Variants in WASHC2C observed in about 807,000 individuals in gnomAD.
WASHC2C encodes the protein Vaccinia Penetration Factor.
WASHC2C carries 73 observed loss-of-function variants against 142.2 expected under a neutral mutation model. The ratio of observed to expected loss-of-function variants is 0.51; its 90% CI spans 0.43 to 0.62. The LOEUF is 0.62. Ranked by LOEUF, WASHC2C falls within the 20% of genes least tolerant of loss-of-function variation. The pLI is 0.00. For missense variants in WASHC2C, 969 were observed against 1,531.7 expected (o/e 0.63, Z 6.13); for synonymous variants, 337 against 565.5 (o/e 0.60, Z 5.73).
intron 16 of WASHC2C, among the ~76,000 whole-genome samples, chr10:45,758,604 TTC>T (rs1564758047): frequency 1.4e-5 from 2 of 138,660 alleles, no homozygotes; most frequent in Non-Finnish European, 1.6e-5. Flanking sequence ...ATCATTCTTC[TTC>T]TTTTTTTTTT....
intron 25 of WASHC2C, among the ~76,000 whole-genome samples, chr10:45,785,284 TAGGTTTTTGTA>T: frequency 6.6e-6 from 1 of 152,226 alleles, no homozygotes; most frequent in Non-Finnish European, 1.5e-5. Context: ...CCAGCCCCAG[TAGGTTTTTGTA>T]AGTACTCTGT....
intron 5 of WASHC2C, among the ~76,000 whole-genome samples, chr10:45,740,484 G>A (rs1186400061): frequency 1.3e-5 from 2 of 152,188 alleles, no homozygotes; most frequent in Non-Finnish European, 2.9e-5. Context: ...CTCTACTCTC[G>A]AGGTGTGTGT....
intron 15 of WASHC2C, 87 bp from the exon 16 acceptor site, chr10:45,756,925 T>G: frequency 1.9e-6 from 2 of 1,028,406 alleles, no homozygotes; most frequent in South Asian, 1.6e-5. Flanking sequence ...ATGTTTATTC[T>G]TTGGGAGGGA....
At chr10:45,738,179 G>A in intron 4 of WASHC2C, 134 bp downstream of exon 4, 1 of 1,568,066 alleles carries the variant, frequency 6.4e-7, no homozygotes, top group Non-Finnish European at 8.7e-7. Context: ...AGCAGCCCAA[G>A]AGGGGATTCT....
intron 19 of WASHC2C, among the ~76,000 whole-genome samples, chr10:45,768,234 G>GAAA (rs1169870861): frequency 2.6e-5 from 2 of 76,484 alleles, no homozygotes; most frequent in Non-Finnish European, 2.6e-5. Context: ...CTCGAAAAAG[G>GAAA]AAAAAAAAAA....
chr10:45,750,977 G>T (rs2053515868), intron 10 of WASHC2C, 139 bp downstream of exon 10: 1 of 937,112 alleles, frequency 1.1e-6, no homozygotes, highest in Non-Finnish European at 1.6e-6. Context: ...AATTTAAATT[G>T]TAGCGCTTAT....
rs1589975962 is a variant in WASHC2C, at chr10:45,789,301, C to T, written c.3518C>T (p.Pro1173Leu). 1.9e-6 allele frequency: 3 copies of T among 1,612,078 alleles called. No individual in the cohort carries two copies. In the East Asian group the frequency reaches 6.7e-5, roughly 36 times the overall value. The part of the protein sequence containing the change: ...VGGKAKSPMF[P>L]ALGEASSDDD... ...GGTAAAGCAAAGAGCCCCATGTTTC[C>T]TGCTCTAGGCGAGGCCAGCAGTGAT... The change falls in exon 29 of 31, where the codon CCT becomes CTT. Residue 1173 changes from proline (P) to leucine (L), a missense_variant. Transcript: ENST00000623400.
chr10:45,790,004 TGG>T, intron 29 of WASHC2C, among the ~76,000 whole-genome samples: 1 of 152,236 alleles, frequency 6.6e-6, no homozygotes, highest in Non-Finnish European at 1.5e-5. Flanking sequence ...CAGAGCTCTC[TGG>T]GAAGATAATC....
intron 17 of WASHC2C, among the ~76,000 whole-genome samples, chr10:45,762,531 G>A (rs1414693919): frequency 6.6e-6 from 1 of 152,120 alleles, no homozygotes; most frequent in East Asian, 1.9e-4. Flanking sequence ...TCTTATCCTG[G>A]TTTGCAACGT....
Position 45,786,634 on chromosome 10 carries a change from T to C in WASHC2C, c.2834T>C (p.Phe945Ser). ...TPQDSSGLAP[F>S]KTKEPSTRIG... is the part of the protein sequence containing the mutation. ...CAGGACTCATCAGGTCTCGCTCCAT[T>C]TAAAACCAAAGAACCATCCACTCGG... Residue 945 changes from phenylalanine (F) to serine (S), a missense_variant, in exon 27 of 31, where the codon TTT becomes TCT. Coordinates refer to ENST00000623400, the MANE Select transcript of WASHC2C (RefSeq NM_001330074.2). 1.9e-6 allele frequency: 3 copies of C among 1,611,838 alleles called. No individual in the cohort carries two copies. The highest frequency in any genetic ancestry group is 2.5e-6 in the Non-Finnish European group (3 of 1,179,740).
rs201198625 is a variant in WASHC2C, at chr10:45,746,533, C to A, written c.685-67C>A. On this transcript the variant is annotated intron_variant, in intron 7 of 30. Transcript: ENST00000623400. ...AATCAGCCTGCCCCAGAGACTTAGA[C>A]CTGCAATCATTTCTGTGCTTCTAAG... 2.0e-3 allele frequency: 3,075 copies of A among 1,564,202 alleles called. 93 individuals are homozygous for A. The East Asian group carries it at 0.061, about 31-fold the overall frequency.
At chr10:45,769,066 A>G (rs1280183254) in intron 19 of WASHC2C, among the ~76,000 whole-genome samples, 1 of 152,146 alleles carries the variant, frequency 6.6e-6, no homozygotes, top group East Asian at 1.9e-4. Flanking sequence ...TAGTTTAACA[A>G]ATATAAGTTT....
At chr10:45,773,841 T>TAA (rs536251745) in intron 21 of WASHC2C, among the ~76,000 whole-genome samples, 2 of 72,692 alleles carry the variant, frequency 2.8e-5, no homozygotes, top group South Asian at 4.2e-4. Context: ...TATACAGTGG[T>TAA]AAAAAAAAAC....
At chr10:45,761,475 G>A (rs1398779648) in intron 17 of WASHC2C, among the ~76,000 whole-genome samples, 3 of 152,204 alleles carry the variant, frequency 2.0e-5, no homozygotes, top group Non-Finnish European at 4.4e-5. Context: ...TCAGACTTGT[G>A]TGAAAACCCT....
intron 3 of WASHC2C, among the ~76,000 whole-genome samples, chr10:45,736,275 A>C (rs1287992477): frequency 6.6e-6 from 1 of 151,532 alleles, no homozygotes; most frequent in Non-Finnish European, 1.5e-5. Flanking sequence ...GCATGGTGGC[A>C]GGCACCTGTA....
Position 45,777,437 on chromosome 10 carries a change from T to C in WASHC2C, c.2295+12T>C, listed in dbSNP as rs782490197. On this transcript the variant is annotated intron_variant, in intron 22 of 30. Coordinates refer to ENST00000623400, the MANE Select transcript of WASHC2C (RefSeq NM_001330074.2). ...CTGAGTCAGAAAAGGTGGACTTTTT[T>C]TCTTGTATACTTGAATGCATTTGTC... is the stretch of plus-strand genomic sequence containing the variant. 1.3e-5 allele frequency: 21 copies of C among 1,607,470 alleles called. 2 individuals carry two copies. The highest frequency in any genetic ancestry group is 6.8e-5 in the East Asian group (3 of 44,304).
At chr10:45,733,800 A>G (rs1554863312) in intron 3 of WASHC2C, among the ~76,000 whole-genome samples, 3 of 152,116 alleles carry the variant, frequency 2.0e-5, no homozygotes, top group African/African-American at 7.2e-5. Context: ...GTAATCCCTG[A>G]TCTTTATAGA....
In WASHC2C at chr10:45,734,107, C is replaced by T. The variant is rs1174836183; in HGVS notation, c.292-3876C>T. 9.7e-4 allele frequency among the ~76,000 whole-genome samples: 148 copies of T among 152,202 alleles called. 1 individual carries two copies. The highest frequency in any genetic ancestry group is 3.4e-3 in the African/African-American group (140 of 41,520). ...AGGCGTGGTGGCAGGCGCCTGTAGT[C>T]CCAGCTACTCGGGAGCCTGAGGCAG... On this transcript the variant is annotated intron_variant, in intron 3 of 30. Coordinates refer to ENST00000623400, the MANE Select transcript of WASHC2C (RefSeq NM_001330074.2).
intron 23 of WASHC2C, among the ~76,000 whole-genome samples, chr10:45,784,271 T>TATATATATATATATATACAC (rs1564819755): frequency 2.3e-4 from 2 of 8,724 alleles, no homozygotes; most frequent in African/African-American, 4.2e-4. Flanking sequence ...TATATATATA[T>TATATATATATATATATACAC]ATATATATAT....
Sources: gnomAD v4.1 joint callset for allele counts (sites outside exome capture counted in the v4.1 genomes callset) on GRCh38, gnomAD v4.1.1 for gene constraint, MANE v1.5 for transcripts, NCBI Gene and HGNC (gene_info 2026-07-23, HGNC 2026-07-21) for gene names.